The following FRYL variants were observed in gnomAD, a reference collection of about 807,000 sequenced individuals.
FRYL encodes the protein FRY like transcription coactivator.
In FRYL, 150 loss-of-function variants were observed where a neutral mutation model predicts 351.2. The ratio of observed to expected loss-of-function variants is 0.43; its 90% CI spans 0.37 to 0.49. FRYL has a LOEUF of 0.49. Among genes scored for constraint, FRYL ranks in the 20% least tolerant of loss-of-function variants. FRYL has a pLI of 0.00. For synonymous variants in FRYL, 1,153 were observed against 1,257.1 expected, an observed-to-expected ratio of 0.92 and a Z score of 1.75; for missense variants, 3,036 against 3,619.3, an observed-to-expected ratio of 0.84 and a Z score of 4.13.
At position 48,590,923 on chromosome 4, in the gene FRYL, G is replaced by C. The variant is rs1218167414; in HGVS notation, c.1336-93C>G. The C allele has an allele frequency of 1.3e-5, 12 of 902,428 alleles. No individual in the cohort carries two copies. In the Admixed American group the frequency reaches 2.5e-4, roughly 19 times the overall value. The allele number at this position is 902,428 out of a possible 1,614,324, so 55.9% of individuals were successfully genotyped here. A position where few individuals can be genotyped will look rare whatever the true frequency, so the allele number is the denominator to read the frequency against. On this transcript the variant is annotated intron_variant, in intron 16 of 63. Coordinates refer to ENST00000358350, the MANE Select transcript of FRYL (RefSeq NM_015030.2). ...TATTTCATCAGTAACATCAGAGTTG[G>C]GGGGTGGAAGGAAGGAAGATAGAAG... is the stretch of plus-strand genomic sequence containing the variant.
chr4:48,719,758 C>G (rs552579093), intron 1 of FRYL, among the ~76,000 whole-genome samples: 1 of 151,640 alleles, frequency 6.6e-6, no homozygotes, highest in Non-Finnish European at 1.5e-5. Context: ...AACAACCACC[C>G]TCTATTTCCT....
At chr4:48,599,807 C>G (rs1180785929) in intron 13 of FRYL, among the ~76,000 whole-genome samples, 1 of 152,024 alleles carries the variant, frequency 6.6e-6, no homozygotes, top group Non-Finnish European at 1.5e-5. Flanking sequence ...AAAAACCAGT[C>G]ATAAGAAGTA....
chr4:48,762,565 A>T (rs1774523845), intron 1 of FRYL, among the ~76,000 whole-genome samples: 1 of 152,304 alleles, frequency 6.6e-6, no homozygotes, highest in African/African-American at 2.4e-5. Context: ...TGTTGAGGTG[A>T]TTGGCAAATG....
intron 62 of FRYL, 45 bp downstream of exon 62, chr4:48,501,578 T>G (rs1325193295): frequency 9.4e-7 from 1 of 1,061,882 alleles, no homozygotes; most frequent in Non-Finnish European, 1.5e-6. Context: ...ATTTTAAAAT[T>G]TTTTTAGAAT....
At chr4:48,677,233 T>G (rs1165828143) in intron 3 of FRYL, among the ~76,000 whole-genome samples, 3 of 152,184 alleles carry the variant, frequency 2.0e-5, no homozygotes, top group African/African-American at 7.2e-5. Context: ...TTACACATAT[T>G]TTTGTTAAAT....
chr4:48,761,007 CTGTGTGTGTGTGTGTG>C (rs57872533), intron 1 of FRYL, among the ~76,000 whole-genome samples: 19 of 134,512 alleles, frequency 1.4e-4, no homozygotes, highest in Admixed American at 5.2e-4. Context: ...ATTACTCTGT[CTGTGTGTGTGTGTGTG>C]TGTGTGTGTG....
intron 3 of FRYL, among the ~76,000 whole-genome samples, chr4:48,651,180 C>G (rs1757557170): frequency 6.6e-6 from 1 of 151,514 alleles, no homozygotes; most frequent in African/African-American, 2.4e-5. Context: ...CCTCTCACAC[C>G]TCAGCCTCCT....
At chr4:48,545,692 T>G (rs1291300958) in intron 42 of FRYL, among the ~76,000 whole-genome samples, 1 of 152,226 alleles carries the variant, frequency 6.6e-6, no homozygotes, top group Non-Finnish European at 1.5e-5. Context: ...ATTTTGTTCT[T>G]GCAATGGAAT....
intron 7 of FRYL, among the ~76,000 whole-genome samples, chr4:48,613,259 T>C (rs1189134003): frequency 6.6e-6 from 1 of 152,186 alleles, no homozygotes; most frequent in Admixed American, 6.5e-5. Flanking sequence ...AGGTGTATAA[T>C]TTTCCACTTG....
At chr4:48,691,531 C>T (rs911273112) in intron 2 of FRYL, among the ~76,000 whole-genome samples, 1 of 152,148 alleles carries the variant, frequency 6.6e-6, no homozygotes, top group Non-Finnish European at 1.5e-5. Flanking sequence ...TCCGTTTCCT[C>T]ATCTATACAA....
chr4:48,524,689 G>T (rs1208253958), intron 53 of FRYL, among the ~76,000 whole-genome samples: 1 of 152,080 alleles, frequency 6.6e-6, no homozygotes, highest in Non-Finnish European at 1.5e-5. Context: ...ATTAAAGACA[G>T]AACTACAAAT....
intron 13 of FRYL, among the ~76,000 whole-genome samples, chr4:48,598,046 T>C (rs1055637764): frequency 6.6e-6 from 1 of 152,218 alleles, no homozygotes; most frequent in African/African-American, 2.4e-5. Context: ...GCAACAATCA[T>C]TTTAATGTTT....
At chr4:48,588,598 T>C (rs1189974547) in intron 18 of FRYL, among the ~76,000 whole-genome samples, 2 of 152,182 alleles carry the variant, frequency 1.3e-5, no homozygotes, top group Non-Finnish European at 2.9e-5. Flanking sequence ...GCGTGCTTGC[T>C]TTCAATCCAC....
chr4:48,737,260 A>G lies in FRYL; in HGVS notation c.-383-26562T>C, dbSNP rs1187288191. Among the ~76,000 whole-genome samples, 75 of 47,528 alleles carry G rather than the reference A, an allele frequency of 1.6e-3. 1 individual carries two copies. The highest frequency in any genetic ancestry group is 3.5e-4 in the Admixed American group (1 of 2,830). 31.2% of individuals were successfully genotyped at this position (47,528 alleles called of 152,430 possible). On this transcript the variant is annotated intron_variant, in intron 1 of 63. Coordinates refer to ENST00000358350, the MANE Select transcript of FRYL (RefSeq NM_015030.2). ...GCCACAGAGCGAGACTCCATCACAG[A>G]AAAAAAAAAAAAAAAAAGAGAGAGA...
intron 3 of FRYL, among the ~76,000 whole-genome samples, chr4:48,679,752 CTA>C (rs1764324330): frequency 6.6e-6 from 1 of 151,966 alleles, no homozygotes; most frequent in East Asian, 1.9e-4. Context: ...GGTAAGATCA[CTA>C]TACACTGTAA....
chr4:48,535,650 A>C lies in FRYL; in HGVS notation c.6564+7T>G, dbSNP rs1728734148. The stretch of plus-strand genomic sequence containing the variant: ...AGTAAATAAGAAAATATTTTTGGTA[A>C]ATTTACCTCTGCAAGATAAGTCACA... On this transcript the variant is annotated splice_region_variant and intron_variant, in intron 48 of 63. Transcript: ENST00000358350. 1 of 1,556,770 alleles carries C rather than the reference A, an allele frequency of 6.4e-7. No homozygotes were observed. The highest frequency in any genetic ancestry group is 1.4e-5 in the African/African-American group (1 of 72,640).
At chr4:48,656,575 TTA>T (rs917906863) in intron 3 of FRYL, among the ~76,000 whole-genome samples, 1 of 126,066 alleles carries the variant, frequency 7.9e-6, no homozygotes, top group African/African-American at 3.0e-5. Flanking sequence ...CATATATGCA[TTA>T]TATATAATGT....
chr4:48,776,358 G>A (rs2109439226), intron 1 of FRYL, among the ~76,000 whole-genome samples: 1 of 152,146 alleles, frequency 6.6e-6, no homozygotes, highest in East Asian at 1.9e-4. Flanking sequence ...ACTTTGATAA[G>A]CAAAAACTTT....
intron 1 of FRYL, among the ~76,000 whole-genome samples, chr4:48,730,250 C>G (rs1416424241): frequency 1.3e-5 from 2 of 152,286 alleles, no homozygotes; most frequent in African/African-American, 2.4e-5. Flanking sequence ...AAGACCAAAT[C>G]TGCATTTGAT....
Sources: gnomAD v4.1 joint callset for allele counts (sites outside exome capture counted in the v4.1 genomes callset) on GRCh38, gnomAD v4.1.1 for gene constraint, MANE v1.5 for transcripts, NCBI Gene and HGNC (gene_info 2026-07-23, HGNC 2026-07-21) for gene names.